Variants in RGPD3 observed in about 807,000 individuals in gnomAD.
The protein encoded by RGPD3 is ranBP2-like and GRIP domain-containing protein 3.
A neutral mutation model predicts 154.5 loss-of-function variants in RGPD3; 62 were observed. The ratio of observed to expected loss-of-function variants is 0.40; its 90% confidence interval spans 0.33 to 0.50. The LOEUF is 0.50. Ranked by LOEUF, RGPD3 falls within the 20% of genes least tolerant of loss-of-function variation. The probability of loss-of-function intolerance (pLI) is 0.59; values close to 1 mark genes in which losing one functional copy is unlikely to be tolerated. For missense variants in RGPD3, 919 were observed against 1,716.8 expected (o/e 0.54, Z 8.21); for synonymous variants, 308 against 607.0 (o/e 0.51, Z 7.24).
rs1676427648 is a variant in RGPD3, at chr2:106,403,692, T to G, written c.*1527A>C. Among the ~76,000 whole-genome samples the G allele has an allele frequency of 6.6e-6, 1 of 152,288 alleles. No individual in the cohort carries two copies. The highest frequency in any genetic ancestry group is 1.5e-5 in the Non-Finnish European group (1 of 68,058). On this transcript the variant is annotated 3_prime_UTR_variant, in exon 23 of 23. Transcript: ENST00000409886. ...TAAAGTAAAAAAACTAAACTCTTCA[T>G]GTCGGCTCTGAAATAGATGCATTTT...
intron 22 of RGPD3, among the ~76,000 whole-genome samples, chr2:106,408,528 A>G (rs1463347864): frequency 2.1e-5 from 3 of 143,634 alleles, no homozygotes; most frequent in Non-Finnish European, 4.5e-5. Context: ...TAAACATTTT[A>G]TATCTAGAGC....
At chr2:106,445,717 GGT>G (rs1234738394) in intron 7 of RGPD3, among the ~76,000 whole-genome samples, 2 of 142,254 alleles carry the variant, frequency 1.4e-5, no homozygotes, top group African/African-American at 5.2e-5. Context: ...AGGAGACACA[GGT>G]TGCAGTGAGC....
At chr2:106,446,437 G>T (rs1180274692) in intron 7 of RGPD3, among the ~76,000 whole-genome samples, 1 of 150,946 alleles carries the variant, frequency 6.6e-6, no homozygotes, top group African/African-American at 2.4e-5. Context: ...AGGTGTGGTG[G>T]CGGGTGCCTG....
chr2:106,410,512 T>A (rs1676636627), intron 22 of RGPD3, among the ~76,000 whole-genome samples: 1 of 152,204 alleles, frequency 6.6e-6, no homozygotes, highest in Non-Finnish European at 1.5e-5. Flanking sequence ...TAGCAACATC[T>A]ACATTAAACA....
rs1481685888 is a variant in RGPD3 at position 106,467,015 on chromosome 2, C to G, written c.72+1202G>C. Among the ~76,000 whole-genome samples, 23 of 124,708 alleles carry G rather than the reference C, an allele frequency of 1.8e-4. 4 individuals are homozygous for G. Among genetic ancestry groups the G allele is most frequent in the Admixed American group, 3.3e-4 (4 of 12,030 alleles). The allele number at this position is 124,708 out of a possible 152,430, so 81.8% of individuals were successfully genotyped here. ...TGCCGCCGCCTGGCCAGGTCGAGGC[C>G]GCCGCCGCCGCCTCAACAGAGCGCG... On this transcript the variant is annotated intron_variant, in intron 1 of 22. Coordinates refer to ENST00000409886, the MANE Select transcript of RGPD3 (RefSeq NM_001144013.2).
chr2:106,421,284 G>A (rs866677160), intron 20 of RGPD3, among the ~76,000 whole-genome samples: 1 of 151,944 alleles, frequency 6.6e-6, no homozygotes, highest in Non-Finnish European at 1.5e-5. Context: ...GTAGTGTATA[G>A]GCACATTCGT....
chr2:106,405,190 G>C lies in RGPD3; in HGVS notation c.*29C>G. 6.2e-7 allele frequency: 1 copy of C among 1,608,976 alleles called. No individual in the cohort carries two copies. ...AAGTCCAAACCAACTACGAAGATAGGATGCCCATCCAGAAGAACGGGAAGC... is the reference window on the plus strand; with the variant it reads ...AAGTCCAAACCAACTACGAAGATAGCATGCCCATCCAGAAGAACGGGAAGC... On this transcript the variant is annotated 3_prime_UTR_variant, in exon 23 of 23. Coordinates refer to ENST00000409886, the MANE Select transcript of RGPD3 (RefSeq NM_001144013.2).
chr2:106,422,188 T>TA (rs1197361124), intron 20 of RGPD3, among the ~76,000 whole-genome samples: 1 of 150,628 alleles, frequency 6.6e-6, no homozygotes, highest in African/African-American at 2.5e-5. Context: ...TTTAACATTT[T>TA]AGGAAACAAA....
intron 21 of RGPD3, among the ~76,000 whole-genome samples, chr2:106,415,575 G>T (rs918432688): frequency 2.0e-5 from 3 of 147,774 alleles, no homozygotes; most frequent in African/African-American, 7.5e-5. Context: ...TACTTGGGAG[G>T]CTGAGGCAGG....
intron 6 of RGPD3, among the ~76,000 whole-genome samples, chr2:106,448,669 T>C (rs965277308): frequency 3.3e-5 from 5 of 151,160 alleles, no homozygotes; most frequent in African/African-American, 1.2e-4. Context: ...ATACTCATTT[T>C]CTCATGTATG....
At chr2:106,407,567 T>C (rs949364167) in intron 22 of RGPD3, among the ~76,000 whole-genome samples, 7 of 151,652 alleles carry the variant, frequency 4.6e-5, no homozygotes, top group Admixed American at 4.6e-4. Flanking sequence ...TAAACTGAAA[T>C]GCACTGTTGT....
chr2:106,464,265 C>A lies in RGPD3; in HGVS notation c.72+3952G>T, dbSNP rs568490481. Reference sequence around the variant, plus strand: ...CTGGGGCAGGAGAATGGTGTGAACCCGGGAGGCAGAGTTTGCAGTGAGCCG... The same window carrying A: ...CTGGGGCAGGAGAATGGTGTGAACCAGGGAGGCAGAGTTTGCAGTGAGCCG... On this transcript the variant is annotated intron_variant, in intron 1 of 22. Transcript: ENST00000409886. Among the ~76,000 whole-genome samples, 16 of 150,094 alleles carry A rather than the reference C, an allele frequency of 1.1e-4. No homozygotes were observed. The South Asian group carries it at 3.4e-3, about 32-fold the overall frequency.
At chr2:106,470,888 C>G, upstream of RGPD3, 1 of 1,595,008 alleles carries the variant, frequency 6.3e-7, no homozygotes, top group South Asian at 1.1e-5. Flanking sequence ...TTGTGTTGGA[C>G]ATCGTCAGAG....
At chr2:106,430,042 C>G (rs1333588467) in intron 17 of RGPD3, among the ~76,000 whole-genome samples, 1 of 151,798 alleles carries the variant, frequency 6.6e-6, no homozygotes, top group African/African-American at 2.4e-5. Flanking sequence ...AGCCAGCACG[C>G]CCGGCTAATT....
At chr2:106,406,740 A>G (rs1159696287) in intron 22 of RGPD3, among the ~76,000 whole-genome samples, 4 of 152,078 alleles carry the variant, frequency 2.6e-5, no homozygotes, top group African/African-American at 9.7e-5. Flanking sequence ...TTTTGTGTGA[A>G]TACTGGTTTT....
chr2:106,432,067 G>A (rs1273373397), intron 17 of RGPD3, among the ~76,000 whole-genome samples: 2 of 148,134 alleles, frequency 1.4e-5, no homozygotes. Flanking sequence ...TCTGTGTCAG[G>A]AACTCTTATA....
rs1678707006 is a variant in RGPD3, at chr2:106,468,231, G to GGGCGGAGCCCTGCACCGA, written c.40_57dup (p.Ser14_Ala19dup). 1 of 1,606,792 alleles carries GGGCGGAGCCCTGCACCGA rather than the reference G, an allele frequency of 6.2e-7. No individual in the cohort carries two copies. The highest frequency in any genetic ancestry group is 8.5e-7 in the Non-Finnish European group (1 of 1,177,780). ...GACCCACTCACCTTTCGAGGCGACG[G>GGGCGGAGCCCTGCACCGA]GGCGGAGCCCTGCACCGAGGCGACG... On this transcript the variant is annotated inframe_insertion, in exon 1 of 23. Transcript: ENST00000409886.
chr2:106,469,423 C>T (rs545666378), upstream of RGPD3, among the ~76,000 whole-genome samples: 6 of 152,330 alleles, frequency 3.9e-5, no homozygotes, highest in African/African-American at 1.4e-4. Context: ...CTCCAATTCC[C>T]CCTTTCAATG....
At position 106,404,948 on chromosome 2, in the gene RGPD3, A is replaced by T; in HGVS notation, c.*271T>A. On this transcript the variant is annotated 3_prime_UTR_variant, in exon 23 of 23. Transcript: ENST00000409886. ...GGCAGCATGCATGGGAGATCACATG[A>T]GTTAGAGGGCTGTGGCCTGGTATCA... The T allele has an allele frequency of 1.8e-6, 1 of 542,182 alleles. No homozygotes were observed. The highest frequency in any genetic ancestry group is 3.3e-6 in the Non-Finnish European group (1 of 299,408). The allele number at this position is 542,182 out of a possible 1,614,324, so 33.6% of individuals were successfully genotyped here. A position where few individuals can be genotyped will look rare whatever the true frequency, so the allele number is the denominator to read the frequency against.
Sources: allele counts gnomAD v4.1 joint callset (sites outside exome capture counted in the v4.1 genomes callset), GRCh38; gene constraint gnomAD v4.1.1; transcripts MANE v1.5; gene names NCBI Gene and HGNC (gene_info 2026-07-23, HGNC 2026-07-21).